The following ADAM22 variants were observed in gnomAD, a reference collection of about 807,000 sequenced individuals.
The protein encoded by ADAM22 is disintegrin and metalloproteinase domain-containing protein 22.
In ADAM22, 65 loss-of-function variants were observed where a neutral mutation model predicts 144.6. That is an observed-to-expected ratio of 0.45 (90% confidence interval 0.37 to 0.55). The LOEUF (loss-of-function observed/expected upper bound fraction) is 0.55, where lower values mean the gene tolerates loss of function less well. Ranked by LOEUF, ADAM22 falls within the 20% of genes least tolerant of loss-of-function variation. ADAM22 has a pLI of 0.00. For missense variants in ADAM22, 974 were observed against 1,184.9 expected (o/e 0.82, Z 2.61); for synonymous variants, 391 against 412.6 (o/e 0.95, Z 0.63).
Position 88,199,889 on chromosome 7 carries a change from G to A in ADAM22, c.*3398G>A, listed in dbSNP as rs570858883. 12 of 152,272 alleles carry A rather than the reference G, an allele frequency of 7.9e-5. No individual in the cohort carries two copies. In the East Asian group the frequency reaches 2.3e-3, roughly 29 times the overall value. The allele number at this position is 152,272 out of a possible 1,614,324, so 9.4% of individuals were successfully genotyped here. A position where few individuals can be genotyped will look rare whatever the true frequency, so the allele number is the denominator to read the frequency against. On this transcript the variant is annotated 3_prime_UTR_variant, in exon 32 of 32. Coordinates refer to ENST00000413139, the MANE Select transcript of ADAM22 (RefSeq NM_001324418.2). Reference sequence around the variant, plus strand: ...AAGGTCAGTCTGGCATAGAATTTCTGAAAGTAACATTAATAGGATTTCTAA... The same window carrying A: ...AAGGTCAGTCTGGCATAGAATTTCTAAAAGTAACATTAATAGGATTTCTAA...
In ADAM22 at chr7:88,131,065, T is replaced by A. The variant is rs1323301099; in HGVS notation, c.826-204T>A. ...GTATTTGTCAAAAAGGGATCTTTTGTTTCCAAAAAGTGCTCTGTTCTTTGG... is the reference window on the plus strand; with the variant it reads ...GTATTTGTCAAAAAGGGATCTTTTGATTCCAAAAAGTGCTCTGTTCTTTGG... On this transcript the variant is annotated intron_variant, in intron 10 of 31. Transcript: ENST00000413139. Among the ~76,000 whole-genome samples, 4 of 152,260 alleles carry A rather than the reference T, an allele frequency of 2.6e-5. No individual in the cohort carries two copies. In the East Asian group the frequency reaches 7.7e-4, roughly 29 times the overall value.
intron 5 of ADAM22, among the ~76,000 whole-genome samples, chr7:88,113,695 AATAAATAAATATATATAT>A (rs1332137232): frequency 8.4e-4 from 44 of 52,262 alleles, no homozygotes; most frequent in African/African-American, 3.3e-3. Context: ...ATTATAAATA[AATAAATAAATATATATAT>A]ATATATATAT....
At chr7:88,054,361 C>T (rs573433286) in intron 3 of ADAM22, among the ~76,000 whole-genome samples, 8 of 152,132 alleles carry the variant, frequency 5.3e-5, no homozygotes, top group Admixed American at 2.6e-4. Context: ...CCCGTAGGGC[C>T]CTGAGGTGAT....
Position 88,143,138 on chromosome 7 carries a change from G to A in ADAM22, c.1320+13G>A. ...CAAACCTTCTAAGGTAATAAGTGTG[G>A]TTAATAAGGTTTATAATATTAATTA... is the stretch of plus-strand genomic sequence containing the variant. On this transcript the variant is annotated intron_variant, in intron 15 of 31. Transcript: ENST00000413139. The A allele has an allele frequency of 6.7e-7, 1 of 1,490,630 alleles. No individual in the cohort carries two copies. Among genetic ancestry groups the A allele is most frequent in the East Asian group, 2.3e-5 (1 of 44,148 alleles). The allele number at this position is 1,490,630 out of a possible 1,614,324, so 92.3% of individuals were successfully genotyped here.
intron 23 of ADAM22, among the ~76,000 whole-genome samples, chr7:88,163,617 C>T (rs753888508): frequency 2.0e-5 from 3 of 151,916 alleles, no homozygotes; most frequent in Non-Finnish European, 4.4e-5. Flanking sequence ...GCCACACCAG[C>T]GTGTACAAGC....
intron 5 of ADAM22, among the ~76,000 whole-genome samples, chr7:88,109,745 A>AG (rs1309785573): frequency 1.0e-3 from 157 of 151,842 alleles, no homozygotes; most frequent in African/African-American, 3.5e-3. Context: ...AAAAAAAAAA[A>AG]CAAAACTGGG....
At chr7:88,080,406 A>T (rs1816156331) in intron 4 of ADAM22, among the ~76,000 whole-genome samples, 1 of 152,228 alleles carries the variant, frequency 6.6e-6, no homozygotes, top group Non-Finnish European at 1.5e-5. Flanking sequence ...AAAGGTGTAA[A>T]ATTGACACCC....
rs1180017783 is a variant in ADAM22 at position 88,202,181 on chromosome 7, G to A, written c.*5690G>A. The A allele has an allele frequency of 1.3e-5, 2 of 151,826 alleles. No individual in the cohort carries two copies. Among genetic ancestry groups the A allele is most frequent in the African/African-American group, 4.8e-5 (2 of 41,344 alleles). The allele number at this position is 151,826 out of a possible 1,614,324, so 9.4% of individuals were successfully genotyped here. A position where few individuals can be genotyped will look rare whatever the true frequency, so the allele number is the denominator to read the frequency against. ...GATTCTACAACCAGTCTTTTTAAAG[G>A]GCAAAAATGACTCAACACCTTTGTT... On this transcript the variant is annotated 3_prime_UTR_variant, in exon 32 of 32. Coordinates refer to ENST00000413139, the MANE Select transcript of ADAM22 (RefSeq NM_001324418.2).
At chr7:88,164,285 A>C (rs917124673) in intron 23 of ADAM22, among the ~76,000 whole-genome samples, 1 of 152,116 alleles carries the variant, frequency 6.6e-6, no homozygotes, top group Non-Finnish European at 1.5e-5. Flanking sequence ...GAGACCAAAC[A>C]TAGTTGTGCT....
At chr7:88,035,818 A>C (rs1391083360) in intron 3 of ADAM22, among the ~76,000 whole-genome samples, 3 of 152,204 alleles carry the variant, frequency 2.0e-5, no homozygotes, top group Admixed American at 2.0e-4. Context: ...CAAGGATACC[A>C]AGGGATGATT....
At chr7:87,942,451 T>C (rs1029043018) in intron 2 of ADAM22, among the ~76,000 whole-genome samples, 2 of 152,172 alleles carry the variant, frequency 1.3e-5, no homozygotes, top group African/African-American at 2.4e-5. Context: ...GCTTAACTAC[T>C]ATGCTAGACT....
At chr7:88,094,164 G>A (rs1300106975) in intron 4 of ADAM22, among the ~76,000 whole-genome samples, 2 of 152,146 alleles carry the variant, frequency 1.3e-5, no homozygotes, top group African/African-American at 4.8e-5. Context: ...AGACAGGCAT[G>A]ATGCAGGCAA....
intron 12 of ADAM22, among the ~76,000 whole-genome samples, chr7:88,133,471 G>A (rs1164619407): frequency 1.3e-5 from 2 of 151,934 alleles, no homozygotes; most frequent in East Asian, 1.9e-4. Context: ...AATAATGGCA[G>A]ATAATATGGG....
In ADAM22 at chr7:88,113,017, A is replaced by G. The variant is rs188181673; in HGVS notation, c.474-1567A>G. On this transcript the variant is annotated intron_variant, in intron 5 of 31. Transcript: ENST00000413139. ...GATTCCAGATGTGAGCCCCATGCCCAGCTCAAAACTGAACTCTTAAAGGAT... is the reference window on the plus strand; with the variant it reads ...GATTCCAGATGTGAGCCCCATGCCCGGCTCAAAACTGAACTCTTAAAGGAT... Among the ~76,000 whole-genome samples, 4 of 151,938 alleles carry G rather than the reference A, an allele frequency of 2.6e-5. No individual in the cohort carries two copies. The East Asian group carries it at 7.8e-4, about 29-fold the overall frequency.
At chr7:88,038,688 C>T (rs1017857534) in intron 3 of ADAM22, among the ~76,000 whole-genome samples, 10 of 151,800 alleles carry the variant, frequency 6.6e-5, no homozygotes, top group Non-Finnish European at 1.2e-4. Flanking sequence ...CTCCTGACCT[C>T]GTGATCCGCC....
At chr7:88,123,471 T>C (rs1359638171) in intron 7 of ADAM22, among the ~76,000 whole-genome samples, 5 of 152,080 alleles carry the variant, frequency 3.3e-5, no homozygotes, top group Non-Finnish European at 5.9e-5. Flanking sequence ...GTTCAAGGAA[T>C]TTCATCTAAA....
intron 2 of ADAM22, among the ~76,000 whole-genome samples, chr7:87,936,518 A>G (rs980760687): frequency 1.3e-5 from 2 of 152,184 alleles, no homozygotes; most frequent in Non-Finnish European, 2.9e-5. Flanking sequence ...CAAACACAAA[A>G]GAGTAGGATA....
At chr7:87,989,774 G>C (rs1369424389) in intron 3 of ADAM22, among the ~76,000 whole-genome samples, 2 of 152,084 alleles carry the variant, frequency 1.3e-5, no homozygotes, top group Non-Finnish European at 2.9e-5. Flanking sequence ...GAATTTTCCA[G>C]GGGTGGTGGC....
intron 18 of ADAM22, among the ~76,000 whole-genome samples, 160 bp downstream of exon 18, chr7:88,149,217 T>C (rs1837599644): frequency 6.6e-6 from 1 of 152,202 alleles, no homozygotes; most frequent in African/African-American, 2.4e-5. Context: ...GATTGAAGCT[T>C]GAGCAGATTT....
Sources: gnomAD v4.1 joint callset for allele counts (sites outside exome capture counted in the v4.1 genomes callset) on GRCh38, gnomAD v4.1.1 for gene constraint, MANE v1.5 for transcripts, NCBI Gene and HGNC (gene_info 2026-07-23, HGNC 2026-07-21) for gene names.